CMSS1: variants seen among roughly 807,000 people sequenced by gnomAD.
CMSS1 encodes cms1 ribosomal small subunit homolog.
In CMSS1, 33 loss-of-function variants were observed where a neutral mutation model predicts 43.5. That is an observed-to-expected ratio of 0.76 (90% confidence interval 0.57 to 1.01). CMSS1 has a LOEUF of 1.01. CMSS1 is among the 50% of genes least tolerant of loss of function. CMSS1 has a pLI of 0.00. For synonymous variants in CMSS1, 115 were observed against 117.2 expected, an observed-to-expected ratio of 0.98 and a Z score of 0.12; for missense variants, 313 against 326.4, an observed-to-expected ratio of 0.96 and a Z score of 0.32.
At chr3:99,861,585 G>A (rs1271052056) in intron 1 of CMSS1, among the ~76,000 whole-genome samples, 2 of 152,094 alleles carry the variant, frequency 1.3e-5, no homozygotes, top group East Asian at 3.9e-4. Flanking sequence ...GCGTTCTTCT[G>A]TATCTTGTCT....
intron 1 of CMSS1, among the ~76,000 whole-genome samples, chr3:100,113,768 C>G (rs1033472438): frequency 2.0e-5 from 3 of 152,292 alleles, no homozygotes; most frequent in African/African-American, 7.2e-5. Flanking sequence ...CCATCTTACT[C>G]TTAACAGGAT....
At chr3:99,934,110 C>T (rs1272821202) in intron 1 of CMSS1, among the ~76,000 whole-genome samples, 1 of 152,174 alleles carries the variant, frequency 6.6e-6, no homozygotes, top group East Asian at 1.9e-4. Context: ...GACCAGGCTT[C>T]CCCACATGGT....
intron 1 of CMSS1, among the ~76,000 whole-genome samples, chr3:99,887,346 G>A (rs1186653946): frequency 2.0e-5 from 3 of 152,176 alleles, no homozygotes; most frequent in African/African-American, 2.4e-5. Context: ...ACCTTGAAGG[G>A]TGAGTAAGGC....
intron 1 of CMSS1, among the ~76,000 whole-genome samples, chr3:99,978,232 C>CA (rs915051045): frequency 6.6e-6 from 1 of 152,054 alleles, no homozygotes; most frequent in African/African-American, 2.4e-5. Flanking sequence ...CAACCATCTC[C>CA]AAAAAACCAT....
intron 1 of CMSS1, among the ~76,000 whole-genome samples, chr3:100,109,298 G>A (rs1390640985): frequency 6.6e-6 from 1 of 152,038 alleles, no homozygotes; most frequent in African/African-American, 2.4e-5. Flanking sequence ...AGTTTGAAGT[G>A]GGATTCTCTC....
chr3:99,850,591 T>C (rs1439472349), intron 1 of CMSS1: 1 of 1,613,708 alleles, frequency 6.2e-7, no homozygotes, highest in Non-Finnish European at 8.5e-7. Flanking sequence ...GTTTCCATAT[T>C]CTCCCTTACT....
chr3:99,833,412 A>G (rs1942768070), intron 1 of CMSS1: 3 of 647,772 alleles, frequency 4.6e-6, no homozygotes, highest in South Asian at 2.1e-5. Flanking sequence ...ATTGAGTCAT[A>G]ATGAGCAAAA....
intron 1 of CMSS1, among the ~76,000 whole-genome samples, chr3:99,880,895 T>C (rs1413886695): frequency 6.6e-6 from 1 of 152,082 alleles, no homozygotes; most frequent in Non-Finnish European, 1.5e-5. Flanking sequence ...TATATGTGTA[T>C]GTATATTATG....
intron 1 of CMSS1, among the ~76,000 whole-genome samples, chr3:99,821,268 T>C (rs568365053): frequency 6.6e-6 from 1 of 152,362 alleles, no homozygotes; most frequent in East Asian, 1.9e-4. Context: ...TATGTGTGTA[T>C]GCGTGTTACC....
intron 1 of CMSS1, among the ~76,000 whole-genome samples, chr3:100,029,048 G>A (rs1348504637): frequency 6.6e-6 from 1 of 152,006 alleles, no homozygotes; most frequent in East Asian, 1.9e-4. Context: ...TTTTGAGCCT[G>A]GAATGGTGGT....
chr3:99,903,249 CAT>C (rs1317389282), intron 1 of CMSS1, among the ~76,000 whole-genome samples: 1 of 147,800 alleles, frequency 6.8e-6, no homozygotes, highest in Non-Finnish European at 1.5e-5. Flanking sequence ...TATGTATACA[CAT>C]ATGCATGTTT....
chr3:100,035,354 AC>A (rs1482365702), intron 1 of CMSS1, among the ~76,000 whole-genome samples: 1 of 151,716 alleles, frequency 6.6e-6, no homozygotes, highest in Non-Finnish European at 1.5e-5. Context: ...GCTCACTGCA[AC>A]CCCCGCCTCC....
At chr3:99,823,986 G>C (rs917743181) in intron 1 of CMSS1, among the ~76,000 whole-genome samples, 5 of 150,354 alleles carry the variant, frequency 3.3e-5, no homozygotes, top group African/African-American at 1.2e-4. Context: ...GCAGTGGTGC[G>C]ATCTCAGCTC....
At chr3:100,033,329 T>A (rs1038419395) in intron 1 of CMSS1, among the ~76,000 whole-genome samples, 2 of 152,156 alleles carry the variant, frequency 1.3e-5, no homozygotes, top group African/African-American at 4.8e-5. Context: ...CTGCCTCACC[T>A]CTATCGAGTG....
intron 1 of CMSS1, among the ~76,000 whole-genome samples, chr3:100,058,500 G>A (rs2065504108): frequency 6.6e-6 from 1 of 152,202 alleles, no homozygotes. Context: ...CCTCCTCTCT[G>A]TCCCGGCAGC....
intron 1 of CMSS1, chr3:99,833,222 A>C (rs752418514): frequency 2.5e-6 from 4 of 1,610,290 alleles, no homozygotes; most frequent in Non-Finnish European, 3.4e-6. Flanking sequence ...TAAAAGTCTG[A>C]AGGATGTTGA....
chr3:100,114,966 G>C, intron 1 of CMSS1: 1 of 1,535,558 alleles, frequency 6.5e-7, no homozygotes, highest in Non-Finnish European at 8.7e-7. Flanking sequence ...AAAGTGCTGA[G>C]GAAACTCTAG....
At chr3:99,884,967 G>A (rs755597636) in intron 1 of CMSS1, among the ~76,000 whole-genome samples, 8 of 152,142 alleles carry the variant, frequency 5.3e-5, no homozygotes, top group Non-Finnish European at 7.3e-5. Flanking sequence ...CTTCTTTGGG[G>A]TGGTATTTAA....
intron 2 of CMSS1, among the ~76,000 whole-genome samples, chr3:100,158,567 T>C (rs1229899930): frequency 1.3e-5 from 2 of 152,206 alleles, no homozygotes; most frequent in Non-Finnish European, 2.9e-5. Flanking sequence ...AATTGGCCTC[T>C]TCATTGGCAC....
Sources: allele counts gnomAD v4.1 joint callset (sites outside exome capture counted in the v4.1 genomes callset), GRCh38; gene constraint gnomAD v4.1.1; transcripts MANE v1.5; gene names NCBI Gene and HGNC (gene_info 2026-07-23, HGNC 2026-07-21).